RYR3: variants seen among roughly 807,000 people sequenced by gnomAD.
RYR3 encodes ryanodine receptor 3, also known as brain ryanodine receptor-calcium release channel.
A neutral mutation model predicts 584.3 loss-of-function variants in RYR3; 207 were observed. The observed-to-expected ratio is 0.35, with a 90% CI of 0.32 to 0.40. The LOEUF is 0.40. Among genes scored for constraint, RYR3 ranks in the 10% least tolerant of loss-of-function variants. RYR3 has a pLI of 1.00. For synonymous variants in RYR3, 2,416 were observed against 2,248.5 expected (o/e 1.07, Z -2.11); for missense variants, 5,616 against 6,089.2 (o/e 0.92, Z 2.59).
At chr15:33,763,897 A>ACAAAAAC (rs1299044732) in intron 60 of RYR3, among the ~76,000 whole-genome samples, 1 of 125,330 alleles carries the variant, frequency 8.0e-6, no homozygotes, top group African/African-American at 3.7e-5. Flanking sequence ...CATCTCAAAA[A>ACAAAAAC]AAAAAAAAAA....
At chr15:33,382,781 A>C (rs1402699964) in intron 1 of RYR3, among the ~76,000 whole-genome samples, 1 of 152,190 alleles carries the variant, frequency 6.6e-6, no homozygotes, top group Non-Finnish European at 1.5e-5. Flanking sequence ...TATGCATAGA[A>C]AAATTTTGTG....
intron 32 of RYR3, among the ~76,000 whole-genome samples, chr15:33,657,754 G>A (rs1021916049): frequency 5.9e-5 from 9 of 152,098 alleles, no homozygotes; most frequent in Admixed American, 1.3e-4. Flanking sequence ...TCTTCATATC[G>A]TCCATGGAAC....
intron 74 of RYR3, among the ~76,000 whole-genome samples, chr15:33,815,090 T>C (rs1432402648): frequency 6.9e-6 from 1 of 143,926 alleles, no homozygotes; most frequent in East Asian, 2.0e-4. Flanking sequence ...AAAAAAGGAA[T>C]CACAGTCTCT....
At chr15:33,685,002 T>C (rs1179095023) in intron 38 of RYR3, among the ~76,000 whole-genome samples, 1 of 152,220 alleles carries the variant, frequency 6.6e-6, no homozygotes, top group African/African-American at 2.4e-5. Context: ...TGCCAAATTG[T>C]AAAGACCATT....
chr15:33,855,810 G>A (rs940839240), intron 98 of RYR3: 5 of 152,118 alleles, frequency 3.3e-5, no homozygotes, highest in Admixed American at 2.0e-4. Context: ...TGGAAGACTG[G>A]ATATTGATGA....
rs557943627 is a variant in RYR3, at chr15:33,772,083, A to G, written c.8980A>G (p.Thr2994Ala). Residue 2994 changes from threonine (T) to alanine (A), a missense_variant, in exon 63 of 104, where the codon ACA becomes GCA. Thr to Ala is a moderately conservative substitution (Grantham distance 58, BLOSUM62 0). Around this residue, in one of 9 missense-constraint regions of RYR3, gnomAD observed 954 missense variants for 1,132.2 expected, o/e 0.84. Coordinates refer to ENST00000634891, the MANE Select transcript of RYR3 (RefSeq NM_001036.6). ...CGTTTCTCAGAATATTAACTACACTACAGTGGCTCTGCTCCCCATCCTGAC... is the reference window on the plus strand; with the variant it reads ...CGTTTCTCAGAATATTAACTACACTGCAGTGGCTCTGCTCCCCATCCTGAC... Reference protein sequence around the residue: ...KGVSQNINYTTVALLPILTSI... With the variant: ...KGVSQNINYTAVALLPILTSI... 4.0e-5 allele frequency: 64 copies of G among 1,613,794 alleles called. 1 individual carries two copies. The South Asian group carries it at 7.0e-4, about 18-fold the overall frequency.
At chr15:33,844,706 T>C in intron 92 of RYR3, 156 bp from the exon 93 acceptor site, 1 of 641,466 alleles carries the variant, frequency 1.6e-6, no homozygotes, top group South Asian at 2.0e-5. Flanking sequence ...GGGTGATTCC[T>C]AGTAATAAGT....
chr15:33,707,518 C>T (rs931767670), intron 43 of RYR3, among the ~76,000 whole-genome samples: 3 of 152,078 alleles, frequency 2.0e-5, no homozygotes, highest in Non-Finnish European at 2.9e-5. Flanking sequence ...GCTATAACAA[C>T]CCTAAATATT....
chr15:33,313,478 A>G (rs1967646708), intron 1 of RYR3, among the ~76,000 whole-genome samples: 3 of 152,160 alleles, frequency 2.0e-5, no homozygotes, highest in Admixed American at 2.0e-4. Context: ...CAATAGCCAT[A>G]AGCTTTTGAT....
chr15:33,459,316 C>T lies in RYR3; in HGVS notation c.52-14103C>T, dbSNP rs2596158. ...AAAATGAGTTATATCCCTTCCTCAC[C>T]CGGACAAGCAAGGATTTGTATCCTG... On this transcript the variant is annotated intron_variant, in intron 1 of 103. Coordinates refer to ENST00000634891, the MANE Select transcript of RYR3 (RefSeq NM_001036.6). Among the ~76,000 whole-genome samples the T allele has an allele frequency of 6.8e-3, 1,041 of 152,236 alleles. 20 individuals are homozygous for T. The highest frequency in any genetic ancestry group is 0.023 in the African/African-American group (974 of 41,536).
At chr15:33,825,857 C>A (rs963695683) in intron 82 of RYR3, 181 bp downstream of exon 82, 4 of 538,666 alleles carry the variant, frequency 7.4e-6, no homozygotes, top group African/African-American at 5.8e-5. Context: ...CTCATCCTCC[C>A]GAGTAGATGG....
intron 46 of RYR3, 124 bp downstream of exon 46, chr15:33,726,630 T>C (rs2068483557): frequency 1.0e-6 from 1 of 999,410 alleles, no homozygotes; most frequent in Non-Finnish European, 1.4e-6. Context: ...ACAGGGCAAG[T>C]GTCTCACTCT....
intron 3 of RYR3, among the ~76,000 whole-genome samples, chr15:33,529,587 T>C (rs909592914): frequency 6.6e-6 from 1 of 152,206 alleles, no homozygotes; most frequent in East Asian, 1.9e-4. Context: ...AATTAATTTT[T>C]ATCTCAAGCT....
intron 1 of RYR3, among the ~76,000 whole-genome samples, chr15:33,359,208 A>G (rs1215042723): frequency 6.6e-6 from 1 of 152,248 alleles, no homozygotes; most frequent in Non-Finnish European, 1.5e-5. Context: ...CTTAAAACAC[A>G]GATAATATCA....
chr15:33,750,924 A>G (rs2071231998), intron 57 of RYR3, among the ~76,000 whole-genome samples: 1 of 151,698 alleles, frequency 6.6e-6, no homozygotes, highest in Admixed American at 6.6e-5. Flanking sequence ...CCCTGTGTCC[A>G]TGTGTTCTCA....
At chr15:33,674,792 A>G (rs754946200) in intron 38 of RYR3, among the ~76,000 whole-genome samples, 7 of 17,388 alleles carry the variant, frequency 4.0e-4, no homozygotes, top group Non-Finnish European at 1.2e-3. Flanking sequence ...ATTTTTAATG[A>G]AAAAAAAAAA....
rs2061422405 is a variant in RYR3, at chr15:33,634,720, A to T, written c.3162A>T (p.Ser1054=). The T allele has an allele frequency of 6.2e-7, 1 of 1,613,882 alleles. No individual in the cohort carries two copies. The highest frequency in any genetic ancestry group is 1.3e-5 in the African/African-American group (1 of 74,936). ...FVGYGYNIEP[S]DQELADSAVE... is the part of the protein sequence containing the mutation. ...GTTACGGGTATAACATTGAGCCATC[A>T]GACCAAGAACTAGGTAATGAGTTGA... Residue 1054 remains serine, a synonymous_variant, in exon 25 of 104, where the codon TCA becomes TCT. Coordinates refer to ENST00000634891, the MANE Select transcript of RYR3 (RefSeq NM_001036.6).
At chr15:33,755,257 T>G in intron 58 of RYR3, 77 bp downstream of exon 58, 1 of 902,978 alleles carries the variant, frequency 1.1e-6, no homozygotes, top group Non-Finnish European at 1.8e-6. Flanking sequence ...ACTGTAACTT[T>G]TTATGATTCA....
chr15:33,333,321 TG>T (rs1347469239), intron 1 of RYR3, among the ~76,000 whole-genome samples: 1 of 152,158 alleles, frequency 6.6e-6, no homozygotes, highest in Non-Finnish European at 1.5e-5. Context: ...AACAGTATAC[TG>T]GCAAACCAAA....
Sources: allele counts gnomAD v4.1 joint callset (sites outside exome capture counted in the v4.1 genomes callset), GRCh38; gene constraint gnomAD v4.1.1; regional missense constraint gnomAD v4.1.1; transcripts MANE v1.5; gene names NCBI Gene and HGNC (gene_info 2026-07-23, HGNC 2026-07-21).